The following PRRC2B variants were observed in gnomAD, a reference collection of about 807,000 sequenced individuals.
The protein encoded by PRRC2B is protein PRRC2B.
A neutral mutation model predicts 242.3 loss-of-function variants in PRRC2B; 68 were observed. The observed-to-expected ratio is 0.28, with a 90% confidence interval of 0.23 to 0.34. PRRC2B has a LOEUF of 0.34. Ranked by LOEUF, PRRC2B falls within the 10% of genes least tolerant of loss-of-function variation. PRRC2B has a pLI of 1.00. For synonymous variants in PRRC2B, 1,228 were observed against 1,173.6 expected (o/e 1.05, Z -0.95); for missense variants, 2,835 against 2,954.8 (o/e 0.96, Z 0.94).
intron 20 of PRRC2B, 63 bp downstream of exon 20, chr9:131,481,871 C>A: frequency 7.0e-7 from 1 of 1,429,962 alleles, no homozygotes; most frequent in Non-Finnish European, 9.5e-7. Flanking sequence ...TGCTCACCAT[C>A]CACACGGCCA....
chr9:131,378,533 C>T (rs541332), intron 1 of PRRC2B, among the ~76,000 whole-genome samples: 39,683 of 151,944 alleles, frequency 0.26, 5,422 homozygotes, highest in South Asian at 0.31. Context: ...TGCAAAAGTT[C>T]CCCAAGGGCT....
In PRRC2B at chr9:131,478,611, G is replaced by T. The variant is rs1462513781; in HGVS notation, c.4750G>T (p.Ala1584Ser). ...LEEERRKKEQ[A>S]VQVPVKGRGL... is the part of the protein sequence containing the mutation. ...GGAAGAGAGAAGAAAGAAGGAGCAGGCCGTGCAGGTGAGGGGCGGAGGGTG... is the reference window on the plus strand; with the variant it reads ...GGAAGAGAGAAGAAAGAAGGAGCAGTCCGTGCAGGTGAGGGGCGGAGGGTG... Residue 1584 changes from alanine to serine, a missense_variant, in exon 18 of 32, where the codon GCC becomes TCC. Around this residue, in one of 7 missense-constraint regions of PRRC2B, gnomAD observed 1,536 missense variants for 1,483.1 expected, o/e 1.04. Transcript: ENST00000683519. 1 of 1,023,624 alleles carries T rather than the reference G, an allele frequency of 9.8e-7. No homozygotes were observed. The highest frequency in any genetic ancestry group is 1.4e-6 in the Non-Finnish European group (1 of 709,512). The allele number at this position is 1,023,624 out of a possible 1,614,324, so 63.4% of individuals were successfully genotyped here. A position where few individuals can be genotyped will look rare whatever the true frequency, so the allele number is the denominator to read the frequency against.
At chr9:131,437,911 C>A (rs1838427074) in intron 4 of PRRC2B, among the ~76,000 whole-genome samples, 1 of 152,150 alleles carries the variant, frequency 6.6e-6, no homozygotes, top group African/African-American at 2.4e-5. Context: ...TGTGCTCAGA[C>A]CCCACCACTG....
chr9:131,485,235 C>T, intron 25 of PRRC2B, 95 bp downstream of exon 25: 1 of 1,059,160 alleles, frequency 9.4e-7, no homozygotes, highest in Non-Finnish European at 1.3e-6. Context: ...CTGGCCTTGT[C>T]TTAAGTAGCA....
intron 1 of PRRC2B, among the ~76,000 whole-genome samples, chr9:131,401,333 A>G (rs1837221570): frequency 6.7e-6 from 1 of 148,284 alleles, no homozygotes; most frequent in South Asian, 2.1e-4. Context: ...TTAGATGCCA[A>G]CTCCCCTCCC....
intron 9 of PRRC2B, among the ~76,000 whole-genome samples, chr9:131,453,477 G>A (rs2966367): frequency 0.98 from 149,096 of 152,224 alleles, 73,097 homozygotes; most frequent in East Asian, 1. Flanking sequence ...GGCTCAAGCA[G>A]TCCTCCCACC....
Position 131,476,109 on chromosome 9 carries a change from G to A in PRRC2B, c.3980G>A (p.Gly1327Glu), listed in dbSNP as rs778936078. The A allele has an allele frequency of 2.9e-5, 46 of 1,609,724 alleles. No homozygotes were observed. Among genetic ancestry groups the A allele is most frequent in the Admixed American group, 2.3e-4 (14 of 59,872 alleles). Residue 1327 changes from glycine to glutamate, a missense_variant, in exon 16 of 32, where the codon GGA becomes GAA. Physicochemically the swap from Gly to Glu is moderately conservative, Grantham distance 98 (BLOSUM62 -2). Coordinates refer to ENST00000683519, the MANE Select transcript of PRRC2B (RefSeq NM_013318.4). ...GAGCGGGAGTCCCTGGGCCTGTGGGGACCCGAGGAGGAGCCCCACCTGCTG... is the reference window on the plus strand; with the variant it reads ...GAGCGGGAGTCCCTGGGCCTGTGGGAACCCGAGGAGGAGCCCCACCTGCTG... Reference protein sequence around the residue: ...RQERESLGLWGPEEEPHLLAG... With the variant: ...RQERESLGLWEPEEEPHLLAG...
intron 12 of PRRC2B, 84 bp from the exon 13 acceptor site, chr9:131,467,479 G>A: frequency 2.4e-6 from 3 of 1,237,028 alleles, no homozygotes; most frequent in Non-Finnish European, 1.1e-6. Flanking sequence ...CGGGCCAACA[G>A]GAAGAAGTAC....
rs2131390540 is a variant in PRRC2B, at chr9:131,447,680, A to G, written c.996A>G (p.Gly332=). The G allele has an allele frequency of 6.2e-7, 1 of 1,606,044 alleles. No homozygotes were observed. Among genetic ancestry groups the G allele is most frequent in the Non-Finnish European group, 8.5e-7 (1 of 1,174,980 alleles). ...TTATCAGAAAAGAAAACAGGCTGGG[A>G]TTGTCTCGCCCACTCCGCCCACTAA... is the stretch of plus-strand genomic sequence containing the variant. ...NDQDGKENRL[G]LSRPLRPLRQ... is the part of the protein sequence containing the mutation. The change falls in exon 9 of 32, where the codon GGA becomes GGG. Residue 332 remains glycine, a synonymous_variant. Coordinates refer to ENST00000683519, the MANE Select transcript of PRRC2B (RefSeq NM_013318.4).
intron 1 of PRRC2B, among the ~76,000 whole-genome samples, chr9:131,398,374 C>T (rs1030626684): frequency 4.6e-5 from 7 of 152,332 alleles, no homozygotes; most frequent in African/African-American, 1.7e-4. Context: ...TGAAGTGCAC[C>T]TCCGAGGTGC....
intron 16 of PRRC2B, 72 bp downstream of exon 16, chr9:131,476,607 CA>C: frequency 4.4e-6 from 6 of 1,378,876 alleles, no homozygotes; most frequent in Non-Finnish European, 5.8e-6. Context: ...TTCACGCATG[CA>C]TGCCGATGCC....
At chr9:131,484,889 T>C in intron 24 of PRRC2B, 59 bp from the exon 25 acceptor site, 1 of 1,578,342 alleles carries the variant, frequency 6.3e-7, no homozygotes, top group East Asian at 2.2e-5. Flanking sequence ...TTAGATTGGC[T>C]CTGTCCACTG....
In PRRC2B at chr9:131,487,409, G is replaced by T; in HGVS notation, c.5984+115G>T. On this transcript the variant is annotated intron_variant, in intron 27 of 31. Transcript: ENST00000683519. The surrounding 1 kb of genome is among the most constrained non-coding windows in gnomAD (Gnocchi z 5.3). ...TTGTCTGCTTTGGGGCCAGTGGGGCGGGGAGGGGTGGGAGTTTGCTCTGAA... is the reference window on the plus strand; with the variant it reads ...TTGTCTGCTTTGGGGCCAGTGGGGCTGGGAGGGGTGGGAGTTTGCTCTGAA... The T allele has an allele frequency of 1.2e-6, 1 of 816,054 alleles. No individual in the cohort carries two copies. Among genetic ancestry groups the T allele is most frequent in the East Asian group, 3.1e-5 (1 of 32,270 alleles). 50.6% of individuals were successfully genotyped at this position (816,054 alleles called of 1,614,324 possible).
At chr9:131,439,467 A>G (rs568291827) in intron 5 of PRRC2B, among the ~76,000 whole-genome samples, 1 of 152,212 alleles carries the variant, frequency 6.6e-6, no homozygotes, top group Non-Finnish European at 1.5e-5. Context: ...GTAAAGCAGC[A>G]CTGGCTGCCC....
At chr9:131,492,481 T>C (rs1944224260) in intron 30 of PRRC2B, among the ~76,000 whole-genome samples, 1 of 152,168 alleles carries the variant, frequency 6.6e-6, no homozygotes, top group Admixed American at 6.5e-5. Context: ...TTAATCATTA[T>C]AATAAGATGC....
chr9:131,430,561 A>ATGTGTGTGTGTGTGTGTGTG (rs200517031), intron 2 of PRRC2B, among the ~76,000 whole-genome samples: 2 of 118,812 alleles, frequency 1.7e-5, no homozygotes, highest in African/African-American at 6.4e-5. Flanking sequence ...GTGTGTGTGT[A>ATGTGTGTGTGTGTGTGTGTG]TGTGTGTGTG....
intron 10 of PRRC2B, among the ~76,000 whole-genome samples, chr9:131,458,353 A>C (rs1228455626): frequency 1.3e-5 from 2 of 152,068 alleles, no homozygotes; most frequent in Admixed American, 1.3e-4. Flanking sequence ...TCAGCTACTG[A>C]CTTTTTAAAT....
chr9:131,423,713 C>G (rs1000209254), intron 1 of PRRC2B, among the ~76,000 whole-genome samples: 1 of 152,190 alleles, frequency 6.6e-6, no homozygotes, highest in Non-Finnish European at 1.5e-5. Flanking sequence ...TATTTCTCTT[C>G]AGGCTGCCGG....
intron 1 of PRRC2B, among the ~76,000 whole-genome samples, chr9:131,427,867 T>A (rs1220887427): frequency 6.6e-6 from 1 of 152,254 alleles, no homozygotes; most frequent in Non-Finnish European, 1.5e-5. Flanking sequence ...TTGCTTTAGC[T>A]TTGTTTTCCA....
Sources: gnomAD v4.1 joint callset for allele counts (sites outside exome capture counted in the v4.1 genomes callset) on GRCh38, gnomAD v4.1.1 for gene constraint, gnomAD v4.1.1 regional missense constraint, Gnocchi (gnomAD v3.1) non-coding constraint, MANE v1.5 for transcripts, NCBI Gene and HGNC (gene_info 2026-07-23, HGNC 2026-07-21) for gene names.